The following DBET variants were observed in gnomAD, a reference collection of about 807,000 sequenced individuals.
The protein encoded by DBET is D4Z4 binding element transcript, also known as D4Z4 binding element transcript (non-protein coding).
At chr4:190,064,979 C>A (rs2856396) in exon 1 of DBET, 1 of 346,060 alleles carries the variant, frequency 2.9e-6, no homozygotes, top group East Asian at 4.0e-5. Context: ...CTGTCTTATG[C>A]TTATTCTACT....
chr4:190,067,665 AC>A (rs1740735294), exon 1 of DBET: 1 of 32,694 alleles, frequency 3.1e-5, no homozygotes, highest in Admixed American at 1.1e-4. Flanking sequence ...CCCCACCACC[AC>A]CACCCCGCCG....
Position 190,064,971 on chromosome 4 carries a change from G to C in DBET, n.470G>C, listed in dbSNP as rs372716664. The C allele has an allele frequency of 9.9e-5, 33 of 333,706 alleles. 4 individuals are homozygous for C. The highest frequency in any genetic ancestry group is 4.1e-4 in the East Asian group (10 of 24,376). 20.7% of individuals were successfully genotyped at this position (333,706 alleles called of 1,614,324 possible). On this transcript the variant is annotated non_coding_transcript_exon_variant, in exon 1 of 1. Transcript: ENST00000630918. ...TTGCTGTAACAGAGGAACATTTCCT[G>C]TCTTATGCTTATTCTACTCTGCAAT...
chr4:190,064,580 A>G (rs1417169143), exon 1 of DBET: 1 of 139,512 alleles, frequency 7.2e-6, no homozygotes, highest in Non-Finnish European at 1.5e-5. Flanking sequence ...ACAAACTGTC[A>G]TCTATATGAC....
chr4:190,065,159 C>A (rs373470834), exon 1 of DBET: 6 of 497,382 alleles, frequency 1.2e-5, no homozygotes, highest in East Asian at 3.3e-5. Flanking sequence ...CCTTGTCATG[C>A]CATTATTTAT....
chr4:190,064,934 C>T lies in DBET; in HGVS notation n.433C>T. ...GTGCAAACTGTTTTCAGAAAGCCTA[C>T]TTCTATTTTCCTTGCTGTAACAGAG... is the stretch of plus-strand genomic sequence containing the variant. On this transcript the variant is annotated non_coding_transcript_exon_variant, in exon 1 of 1. Coordinates refer to ENST00000630918, the Ensembl canonical transcript of DBET. 1.6e-5 allele frequency: 4 copies of T among 250,650 alleles called. No homozygotes were observed. In the South Asian group the frequency reaches 3.3e-4, roughly 21 times the overall value. 15.5% of individuals were successfully genotyped at this position (250,650 alleles called of 1,614,324 possible).
exon 1 of DBET, chr4:190,064,688 TTTAA>T (rs1363431664): frequency 7.5e-6 from 1 of 132,934 alleles, no homozygotes; most frequent in East Asian, 2.0e-4. Flanking sequence ...ATTCTACTGT[TTTAA>T]TTCTCTCCTG....
exon 1 of DBET, chr4:190,064,576 T>A (rs1350009603): frequency 7.2e-6 from 1 of 139,528 alleles, no homozygotes; most frequent in Non-Finnish European, 1.5e-5. Context: ...AGACACAAAC[T>A]GTCATCTATA....
exon 1 of DBET, chr4:190,065,006 C>T: frequency 2.4e-6 from 1 of 410,238 alleles, no homozygotes; most frequent in Admixed American, 4.9e-5. Flanking sequence ...TCCCCTAAGG[C>T]TTTTTCTCTC....
chr4:190,064,699 C>G lies in DBET; in HGVS notation n.198C>G, dbSNP rs1349971852. 4 of 132,460 alleles carry G rather than the reference C, an allele frequency of 3.0e-5. 1 individual carries two copies. Among genetic ancestry groups the G allele is most frequent in the Non-Finnish European group, 6.5e-5 (4 of 61,834 alleles). The allele number at this position is 132,460 out of a possible 1,614,324, so 8.2% of individuals were successfully genotyped here. A position where few individuals can be genotyped will look rare whatever the true frequency, so the allele number is the denominator to read the frequency against. Reference sequence around the variant, plus strand: ...ACATATTCTACTGTTTTAATTCTCTCCTGAAGGAGATACTGGGAGTTGGGC... The same window carrying G: ...ACATATTCTACTGTTTTAATTCTCTGCTGAAGGAGATACTGGGAGTTGGGC... On this transcript the variant is annotated non_coding_transcript_exon_variant, in exon 1 of 1. Transcript: ENST00000630918.
At chr4:190,065,073 G>C (rs1451505056) in exon 1 of DBET, 9 of 450,840 alleles carry the variant, frequency 2.0e-5, no homozygotes, top group East Asian at 1.4e-4. Context: ...CCAGAATCTT[G>C]TGAGAACATA....
At chr4:190,064,549 T>C in exon 1 of DBET, 1 of 139,306 alleles carries the variant, frequency 7.2e-6, no homozygotes, top group East Asian at 1.9e-4. Flanking sequence ...TAGCAAACAC[T>C]CATCTTTCTT....
chr4:190,065,291 C>G (rs1740593236), exon 1 of DBET: 1 of 537,612 alleles, frequency 1.9e-6, no homozygotes, highest in Admixed American at 2.9e-5. Flanking sequence ...CGCCCCCGCG[C>G]TGCAGCCCAG....
chr4:190,065,074 T>G (rs1322114482), exon 1 of DBET: 1 of 451,562 alleles, frequency 2.2e-6, no homozygotes, highest in East Asian at 3.5e-5. Context: ...CAGAATCTTG[T>G]GAGAACATAA....
At chr4:190,066,894 G>A (rs1171905934) in exon 1 of DBET, 2 of 75,848 alleles carry the variant, frequency 2.6e-5, no homozygotes, top group Non-Finnish European at 3.4e-5. Flanking sequence ...ACAAAAGACC[G>A]GGACTCGGGT....
rs1740581019 is a variant in DBET at position 190,065,070 on chromosome 4, C to A, written n.569C>A. ...CTCACAGGCAAAATCCTCCCAGAAT[C>A]TTGTGAGAACATAAATGATCTGACT... On this transcript the variant is annotated non_coding_transcript_exon_variant, in exon 1 of 1. Transcript: ENST00000630918. The A allele has an allele frequency of 1.6e-5, 7 of 449,610 alleles. 1 individual carries two copies. Among genetic ancestry groups the A allele is most frequent in the Admixed American group, 4.7e-5 (1 of 21,384 alleles). 27.9% of individuals were successfully genotyped at this position (449,610 alleles called of 1,614,324 possible). A position where few individuals can be genotyped will look rare whatever the true frequency, so the allele number is the denominator to read the frequency against.
exon 1 of DBET, chr4:190,065,150 C>G (rs538254556): frequency 6.1e-6 from 3 of 491,272 alleles, no homozygotes; most frequent in East Asian, 3.3e-5. Flanking sequence ...TCTGGAGACC[C>G]TTGTCATGCC....
At position 190,065,168 on chromosome 4, in the gene DBET, A is replaced by C. The variant is rs1478436991; in HGVS notation, n.667A>C. The C allele has an allele frequency of 1.0e-5, 5 of 502,030 alleles. 1 individual carries two copies. The highest frequency in any genetic ancestry group is 1.8e-5 in the Non-Finnish European group (5 of 281,184). 31.1% of individuals were successfully genotyped at this position (502,030 alleles called of 1,614,324 possible). On this transcript the variant is annotated non_coding_transcript_exon_variant, in exon 1 of 1. Coordinates refer to ENST00000630918, the Ensembl canonical transcript of DBET. ...GGAGACCCTTGTCATGCCATTATTT[A>C]TAAATCTATTGTGCCTCAAGTCAGA...
chr4:190,065,199 G>A, exon 1 of DBET: 1 of 538,826 alleles, frequency 1.9e-6, no homozygotes. Flanking sequence ...TCAGAAGTGT[G>A]TGAGGGGAGA....
exon 1 of DBET, chr4:190,064,904 C>A: frequency 4.7e-6 from 1 of 212,128 alleles, no homozygotes; most frequent in Non-Finnish European, 9.0e-6. Context: ...GTCATCTCTG[C>A]TCCAGTGCAA....
Sources: gnomAD v4.1 joint callset for allele counts on GRCh38, gnomAD v4.1.1 for gene constraint, MANE v1.5 for transcripts, NCBI Gene and HGNC (gene_info 2026-07-23, HGNC 2026-07-21) for gene names.